Variants in PKIG observed in about 807,000 individuals in gnomAD.
PKIG encodes protein kinase (cAMP-dependent, catalytic) inhibitor gamma.
PKIG carries 1 observed loss-of-function variant against 6.8 expected under a neutral mutation model. The ratio of observed to expected loss-of-function variants is 0.15; its 90% CI spans 0.05 to 0.69. PKIG has a LOEUF of 0.69. Among genes scored for constraint, PKIG ranks in the 30% least tolerant of loss-of-function variants. The pLI, the probability that PKIG is intolerant of heterozygous loss-of-function variation, is 0.82. For synonymous variants in PKIG, 39 were observed against 43.0 expected (o/e 0.91, Z 0.36); for missense variants, 77 against 104.0 (o/e 0.74, Z 1.13).
Position 44,613,332 on chromosome 20 carries a change from A to AT in PKIG, c.-23-1195dup, listed in dbSNP as rs373290903. 5.5e-3 allele frequency among the ~76,000 whole-genome samples: 829 copies of AT among 151,896 alleles called. 4 individuals are homozygous for AT. The highest frequency in any genetic ancestry group is 0.019 in the African/African-American group (771 of 41,386). The stretch of plus-strand genomic sequence containing the variant: ...AGGCGCCCGCCACCACGCCCGGCTA[A>AT]TTTTTTTGTATTTTTAGTAGAGATG... On this transcript the variant is annotated intron_variant, in intron 2 of 3. Transcript: ENST00000372886.
At chr20:44,585,976 C>G (rs1167112211) in intron 1 of PKIG, among the ~76,000 whole-genome samples, 3 of 151,634 alleles carry the variant, frequency 2.0e-5, no homozygotes, top group African/African-American at 7.3e-5. Context: ...AGTTCAGTGA[C>G]AAATTGGAAA....
chr20:44,590,241 T>C (rs1462318676), intron 2 of PKIG, among the ~76,000 whole-genome samples: 1 of 152,222 alleles, frequency 6.6e-6, no homozygotes, highest in African/African-American at 2.4e-5. Flanking sequence ...AAGTGTTTGC[T>C]GTAAAGCTGT....
At chr20:44,542,614 T>A (rs2064572440) in intron 1 of PKIG, among the ~76,000 whole-genome samples, 1 of 151,920 alleles carries the variant, frequency 6.6e-6, no homozygotes, top group Non-Finnish European at 1.5e-5. Flanking sequence ...CGAGATGGAG[T>A]CTAGCTCTGT....
At chr20:44,542,138 C>G (rs1207544081) in intron 1 of PKIG, among the ~76,000 whole-genome samples, 2 of 152,120 alleles carry the variant, frequency 1.3e-5, no homozygotes, top group Non-Finnish European at 2.9e-5. Flanking sequence ...GTTAGCCAAT[C>G]CTTAGAAATT....
chr20:44,616,340 G>A (rs111783550), intron 3 of PKIG, among the ~76,000 whole-genome samples: 2,292 of 152,178 alleles, frequency 0.015, 65 homozygotes, highest in African/African-American at 0.053. Context: ...TTGTGCCCTC[G>A]GTGCCTGGTG....
At chr20:44,595,393 C>T (rs556768866) in intron 2 of PKIG, among the ~76,000 whole-genome samples, 4 of 152,258 alleles carry the variant, frequency 2.6e-5, no homozygotes, top group Admixed American at 6.5e-5. Flanking sequence ...TGAGAGAGCA[C>T]ACCAGGCCTC....
chr20:44,581,146 T>C (rs2064944639), upstream of PKIG, among the ~76,000 whole-genome samples: 1 of 152,230 alleles, frequency 6.6e-6, no homozygotes. Context: ...CCTTTCGTTT[T>C]GAGCTGTGTG....
At chr20:44,579,632 C>A (rs546851985), upstream of PKIG, among the ~76,000 whole-genome samples, 1 of 152,296 alleles carries the variant, frequency 6.6e-6, no homozygotes, top group South Asian at 2.1e-4. Context: ...CAGCTTGGCC[C>A]CAGCCCACAT....
At chr20:44,544,480 G>T (rs2064592446) in intron 1 of PKIG, among the ~76,000 whole-genome samples, 2 of 152,294 alleles carry the variant, frequency 1.3e-5, no homozygotes, top group South Asian at 4.1e-4. Flanking sequence ...GTGCCATCAG[G>T]CAGCCTAGAT....
At chr20:44,566,335 C>T (rs2064810277) in intron 1 of PKIG, among the ~76,000 whole-genome samples, 1 of 152,162 alleles carries the variant, frequency 6.6e-6, no homozygotes, top group South Asian at 2.1e-4. Flanking sequence ...ACAGAAAAAG[C>T]AGAAAAAGTT....
intron 2 of PKIG, among the ~76,000 whole-genome samples, chr20:44,612,185 C>T (rs1471050752): frequency 6.6e-6 from 1 of 152,174 alleles, no homozygotes. Context: ...CTCAGGAACC[C>T]TCCATACTGT....
intron 1 of PKIG, among the ~76,000 whole-genome samples, chr20:44,575,986 TC>T (rs2064893906): frequency 6.6e-6 from 1 of 152,200 alleles, no homozygotes; most frequent in South Asian, 2.1e-4. Flanking sequence ...AACTTCAGCT[TC>T]TGTTGTCATA....
chr20:44,539,720 C>T (rs1416924432), intron 1 of PKIG, among the ~76,000 whole-genome samples: 4 of 151,718 alleles, frequency 2.6e-5, no homozygotes, highest in Admixed American at 2.6e-4. Context: ...TGCCCAGCCT[C>T]AAATTTGTAA....
At chr20:44,534,080 C>T (rs374669791) in intron 1 of PKIG, among the ~76,000 whole-genome samples, 77 of 151,896 alleles carry the variant, frequency 5.1e-4, no homozygotes, top group African/African-American at 1.4e-3. Context: ...AGTTTGGCTG[C>T]GAAGGGAGGT....
Position 44,589,416 on chromosome 20 carries a change from C to A in PKIG, c.-93-381C>A, listed in dbSNP as rs531703006. ...TGCAATTTTACAATATGCTTTTTAA[C>A]AATCAAGCATGTACTTTTTTCCACA... is the stretch of plus-strand genomic sequence containing the variant. On this transcript the variant is annotated intron_variant, in intron 1 of 3. Coordinates refer to ENST00000372886, the MANE Select transcript of PKIG (RefSeq NM_001281445.2). Among the ~76,000 whole-genome samples, 325 of 152,222 alleles carry A rather than the reference C, an allele frequency of 2.1e-3. 1 individual carries two copies. Among genetic ancestry groups the A allele is most frequent in the Non-Finnish European group, 3.4e-3 (233 of 68,006 alleles).
At chr20:44,596,468 G>C (rs1197569201) in intron 2 of PKIG, among the ~76,000 whole-genome samples, 2 of 152,216 alleles carry the variant, frequency 1.3e-5, no homozygotes, top group Non-Finnish European at 2.9e-5. Flanking sequence ...CAAGGGCTTA[G>C]GAACCTTGAG....
intron 1 of PKIG, among the ~76,000 whole-genome samples, chr20:44,562,350 C>G (rs2064774132): frequency 6.6e-6 from 1 of 151,730 alleles, no homozygotes; most frequent in Non-Finnish European, 1.5e-5. Flanking sequence ...CTGGGCCCAG[C>G]CTTTAATCCC....
At chr20:44,565,465 A>G (rs533355549) in intron 1 of PKIG, among the ~76,000 whole-genome samples, 13 of 152,378 alleles carry the variant, frequency 8.5e-5, no homozygotes, top group Non-Finnish European at 1.9e-4. Flanking sequence ...AAGCAATCAC[A>G]GACAATATTT....
intron 1 of PKIG, among the ~76,000 whole-genome samples, chr20:44,539,465 G>A (rs1231656111): frequency 6.6e-6 from 1 of 151,724 alleles, no homozygotes; most frequent in East Asian, 1.9e-4. Context: ...TGTTGCCCAG[G>A]CTGGAGCGCA....
Sources: allele counts gnomAD v4.1 joint callset (sites outside exome capture counted in the v4.1 genomes callset), GRCh38; gene constraint gnomAD v4.1.1; transcripts MANE v1.5; gene names NCBI Gene and HGNC (gene_info 2026-07-23, HGNC 2026-07-21).